ZBP1: variants seen among roughly 807,000 people sequenced by gnomAD.
ZBP1 encodes Z-DNA-binding protein 1.
In ZBP1, 42 loss-of-function variants were observed where a neutral mutation model predicts 41.1. The observed-to-expected ratio is 1.02, with a 90% confidence interval of 0.80 to 1.32. ZBP1 has a LOEUF of 1.32. Ranked by LOEUF, ZBP1 falls within the 40% of genes most tolerant of loss-of-function variation. ZBP1 has a pLI of 0.00. For synonymous variants in ZBP1, 214 were observed against 205.2 expected (o/e 1.04, Z -0.37); for missense variants, 562 against 549.7 (o/e 1.02, Z -0.22).
chr20:57,607,188 T>C (rs1484122414), intron 7 of ZBP1: 33 of 1,304,144 alleles, frequency 2.5e-5, no homozygotes, highest in Non-Finnish European at 3.2e-5. Flanking sequence ...TTAAGAACAT[T>C]TGTGATTCAT....
intron 5 of ZBP1, 130 bp from the exon 6 acceptor site, chr20:57,612,060 G>T: frequency 1.9e-6 from 2 of 1,039,802 alleles, no homozygotes; most frequent in Non-Finnish European, 2.8e-6. Context: ...AAGACTTCAG[G>T]CTCTGGCTTA....
Position 57,620,316 on chromosome 20 carries a change from G to A in ZBP1, c.-21C>T. 1 of 1,591,328 alleles carries A rather than the reference G, an allele frequency of 6.3e-7. No homozygotes were observed. The highest frequency in any genetic ancestry group is 8.6e-7 in the Non-Finnish European group (1 of 1,168,262). ...GCCATGCTGACAGCAGCTGCAAGGA[G>A]TCGGAGAGACTTGGCAGGTGTGCAG... On this transcript the variant is annotated 5_prime_UTR_variant, in exon 1 of 8. Coordinates refer to ENST00000371173, the MANE Select transcript of ZBP1 (RefSeq NM_030776.3).
At chr20:57,609,406 G>C (rs938390847) in intron 7 of ZBP1, among the ~76,000 whole-genome samples, 2 of 152,118 alleles carry the variant, frequency 1.3e-5, no homozygotes, top group Admixed American at 6.5e-5. Flanking sequence ...GTCTCTGCTG[G>C]GCTTAGACTG....
rs142592226 is a variant in ZBP1, at chr20:57,619,487, C to G, written c.34+775G>C. On this transcript the variant is annotated intron_variant, in intron 1 of 7. Transcript: ENST00000371173. ...GAGACCCTAGAGAACAGCAATTACT[C>G]GATACACTATTGGCTTTCATTGCAA... Among the ~76,000 whole-genome samples, 825 of 152,304 alleles carry G rather than the reference C, an allele frequency of 5.4e-3. 37 individuals are homozygous for G. The highest frequency in any genetic ancestry group is 0.049 in the Admixed American group (752 of 15,304).
chr20:57,611,105 C>A (rs1256562386), intron 6 of ZBP1, among the ~76,000 whole-genome samples: 2 of 152,200 alleles, frequency 1.3e-5, no homozygotes, highest in African/African-American at 4.8e-5. Flanking sequence ...TTCCATCCTC[C>A]CTAAACACCA....
At position 57,612,547 on chromosome 20, in the gene ZBP1, A is replaced by G. The variant is rs2070701636; in HGVS notation, c.670+616T>C. The stretch of plus-strand genomic sequence containing the variant: ...GAAAGGTTCTCCCAAGGTTACAGGG[A>G]GTGTCCCGACTTTGGGGCTGATGCT... On this transcript the variant is annotated intron_variant, in intron 5 of 7. Coordinates refer to ENST00000371173, the MANE Select transcript of ZBP1 (RefSeq NM_030776.3). Among the ~76,000 whole-genome samples the G allele has an allele frequency of 2.7e-5, 4 of 148,832 alleles. No individual in the cohort carries two copies. In the South Asian group the frequency reaches 8.3e-4, roughly 31 times the overall value.
Position 57,604,680 on chromosome 20 carries a change from T to C in ZBP1, c.1183A>G (p.Lys395Glu). The C allele has an allele frequency of 6.2e-7, 1 of 1,614,066 alleles. No homozygotes were observed. Among genetic ancestry groups the C allele is most frequent in the African/African-American group, 1.3e-5 (1 of 74,988 alleles). The change falls in exon 8 of 8, where the codon AAG (lysine) becomes GAG (glutamate). Residue 395 changes from lysine (K) to glutamate (E), a missense_variant. Transcript: ENST00000371173. ...ITPSHSKLTP[K>E]LETMTLGNRS... is the part of the protein sequence containing the mutation. ...TTTCCAAGAGTCATAGTTTCCAGCT[T>C]GGGGGTGAGCTTCGAGTGGCTGGGA... is the stretch of plus-strand genomic sequence containing the variant.
chr20:57,616,507 C>A, intron 1 of ZBP1, 39 bp from the exon 2 acceptor site: 3 of 1,604,632 alleles, frequency 1.9e-6, no homozygotes, highest in Non-Finnish European at 2.6e-6. Context: ...GGAACTGAGT[C>A]TCCCAGGTCC....
rs532796291 is a variant in ZBP1 at position 57,616,352 on chromosome 20, G to A, written c.151C>T (p.Arg51Ter). 32 of 1,614,172 alleles carry A rather than the reference G, an allele frequency of 2.0e-5. No individual in the cohort carries two copies. The East Asian group carries it at 4.7e-4, about 24-fold the overall frequency. ...GAGACTTTCAACTCCTTTTTCATTC[G>A]GTAGAGGACTTGGTTGAGCTCCCTC... ...PKRELNQVLY[R>*]MKKELKVSLT... The change falls in exon 2 of 8, where the codon CGA (arginine) becomes TGA (stop). Residue 51 changes from arginine (R) to a stop codon, truncating the protein, a stop_gained. Coordinates refer to ENST00000371173, the MANE Select transcript of ZBP1 (RefSeq NM_030776.3). LOFTEE classifies it high-confidence loss of function.
At position 57,613,048 on chromosome 20, in the gene ZBP1, T is replaced by A; in HGVS notation, c.670+115A>T. The A allele has an allele frequency of 6.5e-7, 1 of 1,540,304 alleles. No homozygotes were observed. Among genetic ancestry groups the A allele is most frequent in the East Asian group, 2.4e-5 (1 of 40,936 alleles). On this transcript the variant is annotated intron_variant, in intron 5 of 7. Coordinates refer to ENST00000371173, the MANE Select transcript of ZBP1 (RefSeq NM_030776.3). This position sits in a 1 kb window ranked among gnomAD's most constrained non-coding sequence, Gnocchi z 4.5. ...GACTGTGGGGGTCTGGAAGCAACCC[T>A]TTCCCCTTGGAGGGCAGAATCCCCC...
At chr20:57,609,302 G>A (rs1177791102) in intron 7 of ZBP1, among the ~76,000 whole-genome samples, 2 of 152,216 alleles carry the variant, frequency 1.3e-5, no homozygotes, top group Non-Finnish European at 2.9e-5. Flanking sequence ...ACCAGCCTGT[G>A]CAGCTTCCAG....
intron 7 of ZBP1, chr20:57,607,066 T>A (rs545449701): frequency 7.7e-7 from 1 of 1,300,332 alleles, no homozygotes; most frequent in South Asian, 1.2e-5. Context: ...CTTCTTATTC[T>A]TCAATAAATA....
chr20:57,610,193 C>T lies in ZBP1; in HGVS notation c.1049G>A (p.Gly350Glu). ...MSISPGVAGP[G>E]GVAGSGEGEP... ...CCCCTCTCCAGACCCTGCGACTCCT[C>T]CTGGGCCAGCCACCCCTGGGCTGAT... The change falls in exon 7 of 8, where the codon GGA becomes GAA. Residue 350 changes from glycine (G) to glutamate (E), a missense_variant. By Grantham distance (98) the Gly-to-Glu change is moderately conservative. Coordinates refer to ENST00000371173, the MANE Select transcript of ZBP1 (RefSeq NM_030776.3). This position sits in a 1 kb window ranked among gnomAD's most constrained non-coding sequence, Gnocchi z 5.5. 1 of 1,614,188 alleles carries T rather than the reference C, an allele frequency of 6.2e-7. No individual in the cohort carries two copies. Among genetic ancestry groups the T allele is most frequent in the Non-Finnish European group, 8.5e-7 (1 of 1,180,030 alleles).
intron 3 of ZBP1, 56 bp from the exon 4 acceptor site, chr20:57,615,116 C>T: frequency 1.3e-6 from 2 of 1,580,880 alleles, no homozygotes; most frequent in Admixed American, 1.7e-5. Context: ...TGCATCTGCC[C>T]CACCGCTTCC....
rs1158815566 is a variant in ZBP1 at position 57,611,737 on chromosome 20, G to T, written c.864C>A (p.Gly288=). The T allele has an allele frequency of 4.3e-6, 7 of 1,609,218 alleles. No homozygotes were observed. The highest frequency in any genetic ancestry group is 1.8e-4 in the Middle Eastern group (1 of 5,490). ...CTAGATCCCAGTTACCTGGGGGGCT[G>T]CCAGGGGGGATGTGGGCAGGGCCCT... ...PSEGPAHIPP[G]SPPVSATAAG... The change falls in exon 6 of 8, where the codon GGC becomes GGA. Residue 288 remains glycine, a synonymous_variant. Transcript: ENST00000371173.
intron 5 of ZBP1, 71 bp from the exon 6 acceptor site, chr20:57,612,001 G>T: frequency 6.8e-7 from 1 of 1,464,450 alleles, no homozygotes; most frequent in Non-Finnish European, 9.3e-7. Flanking sequence ...ACCACCACAC[G>T]CAGGCCTGTC....
intron 4 of ZBP1, among the ~76,000 whole-genome samples, chr20:57,614,497 C>T (rs2070763676): frequency 6.6e-6 from 1 of 152,182 alleles, no homozygotes. Context: ...GACCCTGGGG[C>T]TCCAGCCGGT....
Position 57,616,297 on chromosome 20 carries a change from C to T in ZBP1, c.206G>A (p.Gly69Asp). The change falls in exon 2 of 8, where the codon GGC (glycine) becomes GAC (aspartate). Residue 69 changes from glycine to aspartate, a missense_variant. By Grantham distance (94) the Gly-to-Asp change is moderately conservative. Coordinates refer to ENST00000371173, the MANE Select transcript of ZBP1 (RefSeq NM_030776.3). ...SLTSPATWCL[G>D]GTDPEGEGPA... ...ACCCTCGCCTTCAGGATCAGTCCCG[C>T]CCAAGCACCAGGTGGCAGGGGATGT... 6.2e-7 allele frequency: 1 copy of T among 1,614,156 alleles called. No homozygotes were observed. Among genetic ancestry groups the T allele is most frequent in the Non-Finnish European group, 8.5e-7 (1 of 1,180,028 alleles).
In ZBP1 at chr20:57,616,309, G is replaced by A. The variant is rs1321416101; in HGVS notation, c.194C>T (p.Thr65Ile). ...ELKVSLTSPA[T>I]WCLGGTDPEG... ...AGGATCAGTCCCGCCCAAGCACCAG[G>A]TGGCAGGGGATGTGAGGGAGACTTT... Residue 65 changes from threonine to isoleucine, a missense_variant, in exon 2 of 8, where the codon ACC becomes ATC. Coordinates refer to ENST00000371173, the MANE Select transcript of ZBP1 (RefSeq NM_030776.3). 1.2e-6 allele frequency: 2 copies of A among 1,614,196 alleles called. No individual in the cohort carries two copies.
Sources: allele counts gnomAD v4.1 joint callset (sites outside exome capture counted in the v4.1 genomes callset), GRCh38; gene constraint gnomAD v4.1.1; non-coding constraint Gnocchi (gnomAD v3.1); transcripts MANE v1.5; gene names NCBI Gene and HGNC (gene_info 2026-07-23, HGNC 2026-07-21).